PDE8B: variants seen among roughly 807,000 people sequenced by gnomAD.
The protein encoded by PDE8B is phosphodiesterase 8B, also known as high affinity cAMP-specific and IBMX-insensitive 3',5'-cyclic phosphodiesterase 8B.
Under a neutral mutation model 101.3 loss-of-function variants are expected in PDE8B, and 26 were observed. The observed-to-expected ratio is 0.26, with a 90% CI of 0.19 to 0.36. The LOEUF (loss-of-function observed/expected upper bound fraction) is 0.36. Ranked by LOEUF, PDE8B falls within the 10% of genes least tolerant of loss-of-function variation. PDE8B has a pLI of 1.00. For missense variants in PDE8B, 810 were observed against 1,163.1 expected (o/e 0.70, Z 4.42); for synonymous variants, 424 against 429.3 (o/e 0.99, Z 0.15).
intron 17 of PDE8B, among the ~76,000 whole-genome samples, chr5:77,415,011 T>C (rs948733680): frequency 3.3e-5 from 5 of 152,206 alleles, no homozygotes; most frequent in Admixed American, 2.6e-4. Flanking sequence ...GGAGTCTGAT[T>C]AGATTTCTCA....
chr5:77,144,095 T>C, the PDE8B span: 1 of 152,088 alleles, frequency 6.6e-6, no homozygotes, highest in Non-Finnish European at 1.5e-5. Context: ...GTAAATCTGC[T>C]CAAAAGAGCA....
chr5:77,210,326 G>GCCGAA (rs1257101792), upstream of PDE8B: 1 of 151,088 alleles, frequency 6.6e-6, no homozygotes, highest in East Asian at 2.0e-4. This position sits in a 1 kb window ranked among gnomAD's most constrained non-coding sequence, Gnocchi z 4.9. Flanking sequence ...GCGGAGCCGA[G>GCCGAA]CCGCGGGCAC....
intron 7 of PDE8B, among the ~76,000 whole-genome samples, chr5:77,348,169 TGC>T (rs892302700): frequency 2.0e-5 from 3 of 152,194 alleles, no homozygotes; most frequent in Admixed American, 2.0e-4. Flanking sequence ...TGTTCATGAC[TGC>T]TGCCATCACA....
chr5:77,389,841 A>G (rs189801326), intron 10 of PDE8B, among the ~76,000 whole-genome samples: 67 of 152,222 alleles, frequency 4.4e-4, no homozygotes, highest in Middle Eastern at 3.4e-3. Context: ...TGGAGAATCT[A>G]CTTCTGCTGA....
At chr5:77,419,959 C>G (rs1028260138) in intron 19 of PDE8B, 72 bp downstream of exon 19, 3 of 1,536,600 alleles carry the variant, frequency 2.0e-6, no homozygotes, top group Non-Finnish European at 2.7e-6. Context: ...GGCCCTGAAG[C>G]ATTTTCTCTC....
chr5:77,203,486 A>G, the PDE8B span, among the ~76,000 whole-genome samples: 1 of 152,172 alleles, frequency 6.6e-6, no homozygotes, highest in Non-Finnish European at 1.5e-5. Flanking sequence ...TGCTCAAACC[A>G]TGTTCTCATG....
chr5:77,387,443 C>T (rs1788952786), intron 10 of PDE8B, among the ~76,000 whole-genome samples: 1 of 152,214 alleles, frequency 6.6e-6, no homozygotes, highest in South Asian at 2.1e-4. Flanking sequence ...TGCCGTTACT[C>T]TAATGGGCTT....
At chr5:77,362,988 A>G (rs1414037597) in intron 10 of PDE8B, among the ~76,000 whole-genome samples, 1 of 152,190 alleles carries the variant, frequency 6.6e-6, no homozygotes, top group Non-Finnish European at 1.5e-5. Context: ...CTGTGTCCCC[A>G]TCTCCCACTG....
the PDE8B span, among the ~76,000 whole-genome samples, chr5:77,097,732 T>TATCTATATATATATATAC: frequency 1.5e-5 from 1 of 65,230 alleles, no homozygotes; most frequent in African/African-American, 3.9e-5. Flanking sequence ...TATATATATA[T>TATCTATATATATATATAC]ACATACATAT....
chr5:77,199,191 C>T, the PDE8B span, among the ~76,000 whole-genome samples: 1 of 152,086 alleles, frequency 6.6e-6, no homozygotes, highest in Admixed American at 6.6e-5. Flanking sequence ...TATACTCACT[C>T]GAACATACAG....
At chr5:77,329,125 C>A in intron 4 of PDE8B, 68 bp downstream of exon 4, 1 of 1,343,294 alleles carries the variant, frequency 7.4e-7, no homozygotes, top group Non-Finnish European at 1.1e-6. Context: ...CAGATGTAAT[C>A]TGGTTTTTGA....
chr5:77,216,510 C>T (rs995335674), intron 1 of PDE8B, among the ~76,000 whole-genome samples: 51 of 152,100 alleles, frequency 3.4e-4, no homozygotes, highest in African/African-American at 1.2e-3. Flanking sequence ...GGGGAACTGC[C>T]CCATGATTCA....
chr5:77,121,928 A>C, the PDE8B span, among the ~76,000 whole-genome samples: 3 of 152,230 alleles, frequency 2.0e-5, no homozygotes, highest in African/African-American at 7.2e-5. Context: ...CATTAAGTCC[A>C]GTCTGCCCAG....
chr5:77,235,492 G>A (rs1224163774), intron 1 of PDE8B, among the ~76,000 whole-genome samples: 3 of 152,132 alleles, frequency 2.0e-5, no homozygotes, highest in Non-Finnish European at 4.4e-5. Context: ...GAGACTAAAC[G>A]GGGCATTCAT....
At chr5:77,092,752 T>TA in the PDE8B span, among the ~76,000 whole-genome samples, 545 of 149,394 alleles carry the variant, frequency 3.6e-3, 4 homozygotes, top group Middle Eastern at 6.8e-3. Context: ...AATCACCTCT[T>TA]AAAAAAAAAA....
the PDE8B span, among the ~76,000 whole-genome samples, chr5:77,155,679 C>T: frequency 6.6e-6 from 1 of 152,154 alleles, no homozygotes. Context: ...GCTGTCATCA[C>T]CCTCATTTTA....
At chr5:77,090,370 T>C in the PDE8B span, among the ~76,000 whole-genome samples, 1 of 152,196 alleles carries the variant, frequency 6.6e-6, no homozygotes, top group African/African-American at 2.4e-5. Flanking sequence ...ATTCATGCCA[T>C]TCTCCTGCCT....
chr5:77,127,825 A>G, the PDE8B span, among the ~76,000 whole-genome samples: 1 of 152,122 alleles, frequency 6.6e-6, no homozygotes, highest in Non-Finnish European at 1.5e-5. Flanking sequence ...ATATTCTCAG[A>G]CTTGTCTATC....
the PDE8B span, chr5:77,146,121 A>G: frequency 1.3e-5 from 2 of 152,162 alleles, no homozygotes; most frequent in Non-Finnish European, 2.9e-5. Context: ...CTTTAGTTTT[A>G]TAGATTGAGA....
Sources: allele counts gnomAD v4.1 joint callset (sites outside exome capture counted in the v4.1 genomes callset), GRCh38; gene constraint gnomAD v4.1.1; non-coding constraint Gnocchi (gnomAD v3.1); transcripts MANE v1.5; gene names NCBI Gene and HGNC (gene_info 2026-07-23, HGNC 2026-07-21).